TTN: variants seen among roughly 807,000 people sequenced by gnomAD.
TTN encodes titin.
Under a neutral mutation model 3,223.0 loss-of-function variants are expected in TTN, and 1,525 were observed. The ratio of observed to expected loss-of-function variants is 0.47; its 90% confidence interval spans 0.45 to 0.49. TTN has a LOEUF of 0.49. Ranked by LOEUF, TTN falls within the 20% of genes least tolerant of loss-of-function variation. TTN has a pLI of 0.00. For missense variants in TTN, 40,786 were observed against 43,424.0 expected (o/e 0.94, Z 5.40); for synonymous variants, 14,094 against 15,161.0 (o/e 0.93, Z 5.17).
Position 178,581,769 on chromosome 2 carries a change from C to T in TTN, c.66499G>A (p.Asp22167Asn). The change falls in exon 316 of 363, where the codon GAT becomes AAT. Residue 22167 changes from aspartate to asparagine, a missense_variant. By Grantham distance (23) the Asp-to-Asn change is conservative. Coordinates refer to ENST00000589042, the MANE Select transcript of TTN (RefSeq NM_001267550.2). ...AGACTCACAGAGCTGCGAGTTGTAT[C>T]ATATACTTTAGGGAAAGCCGGTGGG... ...PGPPAFPKVYDTTRSSVSLSW... is the reference protein window; with the variant it reads ...PGPPAFPKVYNTTRSSVSLSW... 2 of 1,603,142 alleles carry T rather than the reference C, an allele frequency of 1.2e-6. No individual in the cohort carries two copies. The highest frequency in any genetic ancestry group is 8.5e-7 in the Non-Finnish European group (1 of 1,174,286).
Position 178,587,750 on chromosome 2 carries a change from T to C in TTN, c.63559A>G (p.Arg21187Gly), listed in dbSNP as rs368288863. Residue 21187 changes from arginine (R) to glycine (G), a missense_variant, in exon 306 of 363, where the codon AGA (arginine) becomes GGA (glycine). Transcript: ENST00000589042. ...AAGAGACGAATAGGGCATCCTGCTCTCACTATGACCAGTTTCCTCATGCTG... is the reference window on the plus strand; with the variant it reads ...AAGAGACGAATAGGGCATCCTGCTCCCACTATGACCAGTTTCCTCATGCTG... ...DASMRKLVIV[R>G]AGCPIRLFAI... 4 of 1,611,908 alleles carry C rather than the reference T, an allele frequency of 2.5e-6. No homozygotes were observed. Among genetic ancestry groups the C allele is most frequent in the Non-Finnish European group, 3.4e-6 (4 of 1,178,876 alleles).
rs1334525732 is a variant in TTN at position 178,649,604 on chromosome 2, G to A, written c.39923C>T (p.Pro13308Leu). The change falls in exon 212 of 363, where the codon CCA (proline) becomes CTA (leucine). Residue 13308 changes from proline to leucine, a missense_variant. By Grantham distance (98) the Pro-to-Leu change is moderately conservative. Transcript: ENST00000589042. ...KEPEMPKKVVPVKKVPTVKKP... is the reference protein window; with the variant it reads ...KEPEMPKKVVLVKKVPTVKKP... ...CTTAACAGTTGGGACCTTCTTCACT[G>A]GAACAACTTTCTTTGGCATCTCAGG... 6.5e-7 allele frequency: 1 copy of A among 1,550,150 alleles called. No homozygotes were observed. The highest frequency in any genetic ancestry group is 8.7e-7 in the Non-Finnish European group (1 of 1,146,588).
intron 112 of TTN, among the ~76,000 whole-genome samples, 186 bp downstream of exon 112, chr2:178,698,656 GA>G (rs2074163503): frequency 6.6e-6 from 1 of 152,026 alleles, no homozygotes; most frequent in Non-Finnish European, 1.5e-5. Context: ...ACAGGAAAGA[GA>G]AAAGGGGGAA....
At chr2:178,688,642 C>T in intron 126 of TTN, 35 bp downstream of exon 126, 2 of 1,430,486 alleles carry the variant, frequency 1.4e-6, no homozygotes. Flanking sequence ...GAAACACACA[C>T]AAACTCATTT....
Position 178,539,200 on chromosome 2 carries a change from C to T in TTN, c.98735G>A (p.Ser32912Asn). ...CCGGGACCAGGACAAGCTAACAGAA[C>T]TCTTGGTTACATCGAGTACTTCTGG... is the stretch of plus-strand genomic sequence containing the variant. Reference protein sequence around the residue: ...NPPEVLDVTKSSVSLSWSRPK... With the variant: ...NPPEVLDVTKNSVSLSWSRPK... The change falls in exon 353 of 363, where the codon AGT (serine) becomes AAT (asparagine). Residue 32912 changes from serine (S) to asparagine (N), a missense_variant. Physicochemically the swap from Ser to Asn is conservative, Grantham distance 46. Coordinates refer to ENST00000589042, the MANE Select transcript of TTN (RefSeq NM_001267550.2). 1 of 1,613,776 alleles carries T rather than the reference C, an allele frequency of 6.2e-7. No individual in the cohort carries two copies. The highest frequency in any genetic ancestry group is 8.5e-7 in the Non-Finnish European group (1 of 1,179,752).
At chr2:178,689,961 C>A (rs1261209949) in intron 121 of TTN, 65 bp from the exon 122 acceptor site, 63 of 1,362,312 alleles carry the variant, frequency 4.6e-5, no homozygotes, top group Non-Finnish European at 6.3e-5. Context: ...AACATAGGCA[C>A]ATGCACAAAT....
rs201091423 is a variant in TTN at position 178,599,730 on chromosome 2, T to G, written c.56171A>C (p.Lys18724Thr). The change falls in exon 289 of 363, where the codon AAG (lysine) becomes ACG (threonine). Residue 18724 changes from lysine to threonine, a missense_variant. Coordinates refer to ENST00000589042, the MANE Select transcript of TTN (RefSeq NM_001267550.2). Reference protein sequence around the residue: ...PTLTWFKAPPKKPDNKEPVLY... With the variant: ...PTLTWFKAPPTKPDNKEPVLY... ...AACAGGTTCTTTGTTATCAGGCTTCTTTGGAGGAGCTTTAAACCAGGTTAG... is the reference window on the plus strand; with the variant it reads ...AACAGGTTCTTTGTTATCAGGCTTCGTTGGAGGAGCTTTAAACCAGGTTAG... 1.8e-5 allele frequency: 29 copies of G among 1,612,864 alleles called. No individual in the cohort carries two copies. The highest frequency in any genetic ancestry group is 2.7e-5 in the African/African-American group (2 of 74,868).
intron 47 of TTN, chr2:178,750,015 G>A: frequency 6.2e-7 from 1 of 1,613,216 alleles, no homozygotes; most frequent in Non-Finnish European, 8.5e-7. Flanking sequence ...TTAGGTTCCA[G>A]CTCCTCAGTT....
Position 178,562,753 on chromosome 2 carries a change from A to G in TTN, c.83379T>C (p.Asp27793=). 1 of 1,612,718 alleles carries G rather than the reference A, an allele frequency of 6.2e-7. No individual in the cohort carries two copies. The highest frequency in any genetic ancestry group is 8.5e-7 in the Non-Finnish European group (1 of 1,179,246). The part of the protein sequence containing the change: ...VTLSWEPPLI[D]GGAKITNYIV... Reference sequence around the variant, plus strand: ...TGTAGTTTGTAATCTTAGCTCCACCATCAATAAGTGGTGGTTCCCAGGACA... The same window carrying G: ...TGTAGTTTGTAATCTTAGCTCCACCGTCAATAAGTGGTGGTTCCCAGGACA... The change falls in exon 326 of 363, where the codon GAT becomes GAC. Residue 27793 remains aspartate (D), a synonymous_variant. Coordinates refer to ENST00000589042, the MANE Select transcript of TTN (RefSeq NM_001267550.2).
Position 178,728,962 on chromosome 2 carries a change from C to G in TTN, c.19076G>C (p.Ser6359Thr). Residue 6359 changes from serine (S) to threonine (T), a missense_variant, in exon 65 of 363, where the codon AGT (serine) becomes ACT (threonine). Transcript: ENST00000589042. ...LQIRSVDNGH[S>T]GRYTCQAKNE... ...CTTGGCTTGACAGGTATATCTCCCA[C>G]TGTGTCCATTATCCACACTTCTGAT... The G allele has an allele frequency of 6.2e-7, 1 of 1,613,056 alleles. No individual in the cohort carries two copies. Among genetic ancestry groups the G allele is most frequent in the Non-Finnish European group, 8.5e-7 (1 of 1,179,522 alleles).
rs373806358 is a variant in TTN, at chr2:178,561,951, G to A, written c.84181C>T (p.Pro28061Ser). ...IVLDRPGPPG[P>S]IRIDEVSCDS... ...CAACTAACCTCATCAATACGTATAG[G>A]ACCTGGAGGTCCTGGTCTGTCAAGG... The change falls in exon 326 of 363, where the codon CCT becomes TCT. Residue 28061 changes from proline (P) to serine (S), a missense_variant. Pro to Ser is a moderately conservative substitution (Grantham distance 74, BLOSUM62 -1). Transcript: ENST00000589042. The A allele has an allele frequency of 1.2e-6, 2 of 1,613,196 alleles. No homozygotes were observed. Among genetic ancestry groups the A allele is most frequent in the East Asian group, 2.2e-5 (1 of 44,738 alleles).
In TTN at chr2:178,590,849, C is replaced by G. The variant is rs397517647; in HGVS notation, c.60876G>C (p.Trp20292Cys). 1 of 1,609,910 alleles carries G rather than the reference C, an allele frequency of 6.2e-7. No homozygotes were observed. The highest frequency in any genetic ancestry group is 8.5e-7 in the Non-Finnish European group (1 of 1,176,832). ...DITENAATVS[W>C]TLPKSDGGSP... ...TGCCACCATCAGATTTTGGCAGGGT[C>G]CAAGACACTGTTGCTGCATTTTCAG... The change falls in exon 304 of 363, where the codon TGG (tryptophan) becomes TGC (cysteine). Residue 20292 changes from tryptophan to cysteine, a missense_variant. By Grantham distance (215) the Trp-to-Cys change is radical (BLOSUM62 -2). Transcript: ENST00000589042.
chr2:178,678,167 G>A lies in TTN; in HGVS notation c.33952C>T (p.Pro11318Ser). 1.2e-6 allele frequency: 2 copies of A among 1,611,312 alleles called. No individual in the cohort carries two copies. Among genetic ancestry groups the A allele is most frequent in the Non-Finnish European group, 1.7e-6 (2 of 1,178,942 alleles). The change falls in exon 145 of 363, where the codon CCA (proline) becomes TCA (serine). Residue 11318 changes from proline (P) to serine (S), a missense_variant. Transcript: ENST00000589042. ...TCCACTTTTTTCGGAACAGGTGTTG[G>A]TTTCTTTTCTTCTGGGATGAGCTTC... Reference protein sequence around the residue: ...PKKLIPEEKKPTPVPKKVEAP... With the variant: ...PKKLIPEEKKSTPVPKKVEAP...
chr2:178,722,034 C>G lies in TTN; in HGVS notation c.22629G>C (p.Pro7543=). Residue 7543 remains proline, a synonymous_variant, in exon 78 of 363, where the codon CCG becomes CCC. Coordinates refer to ENST00000589042, the MANE Select transcript of TTN (RefSeq NM_001267550.2). Reference sequence around the variant, plus strand: ...TATCTTTTGACCAAGTGATTCGCATCGGTTGAGCACCAGTAACATGACACT... The same window carrying G: ...TATCTTTTGACCAAGTGATTCGCATGGGTTGAGCACCAGTAACATGACACT... ...DFECHVTGAQ[P]MRITWSKDNK... 6.2e-7 allele frequency: 1 copy of G among 1,613,358 alleles called. No individual in the cohort carries two copies. The highest frequency in any genetic ancestry group is 8.5e-7 in the Non-Finnish European group (1 of 1,179,510).
At position 178,770,678 on chromosome 2, in the gene TTN, A is replaced by G. The variant is rs2091329912; in HGVS notation, c.8117-3T>C. 6.2e-7 allele frequency: 1 copy of G among 1,610,164 alleles called. No individual in the cohort carries two copies. Among genetic ancestry groups the G allele is most frequent in the Non-Finnish European group, 8.5e-7 (1 of 1,179,926 alleles). On this transcript the variant is annotated splice_polypyrimidine_tract_variant and splice_region_variant and intron_variant, in intron 34 of 362. Transcript: ENST00000589042. ...CAGAGTCTTCTTAATTTTGACAGCT[A>G]AAGACAAATTTATGATTGGGTTAGA...
chr2:178,675,939 C>T lies in TTN; in HGVS notation c.34435G>A (p.Glu11479Lys), dbSNP rs1298237270. 6.2e-7 allele frequency: 1 copy of T among 1,608,100 alleles called. No individual in the cohort carries two copies. The highest frequency in any genetic ancestry group is 8.5e-7 in the Non-Finnish European group (1 of 1,176,826). Residue 11479 changes from glutamate (E) to lysine (K), a missense_variant, in exon 148 of 363, where the codon GAG becomes AAG. Physicochemically the swap from Glu to Lys is moderately conservative, Grantham distance 56. Coordinates refer to ENST00000589042, the MANE Select transcript of TTN (RefSeq NM_001267550.2). ...GCAATACCTTTGGCAGGGGGAGCCT[C>T]CTCTTTCTTGGGAATGACCACTTTC... ...EKKVVIPKKE[E>K]APPAKVSVVP...
rs527704660 is a variant in TTN at position 178,590,436 on chromosome 2, C to T, written c.61289G>A (p.Cys20430Tyr). 86 of 1,612,586 alleles carry T rather than the reference C, an allele frequency of 5.3e-5. No homozygotes were observed. In the East Asian group the frequency reaches 6.3e-4, roughly 12 times the overall value. Reference protein sequence around the residue: ...RINKDELIRQCAFRVPGLIEG... With the variant: ...RINKDELIRQYAFRVPGLIEG... ...AATTAGTCCAGGTACCCTAAAGGCACATTGCCTAATGAGTTCATCTTTATT... is the reference window on the plus strand; with the variant it reads ...AATTAGTCCAGGTACCCTAAAGGCATATTGCCTAATGAGTTCATCTTTATT... The change falls in exon 304 of 363, where the codon TGT becomes TAT. Residue 20430 changes from cysteine to tyrosine, a missense_variant. Transcript: ENST00000589042.
chr2:178,532,402 T>G lies in TTN; in HGVS notation c.104213A>C (p.Glu34738Ala), dbSNP rs372916018. 24 of 1,613,884 alleles carry G rather than the reference T, an allele frequency of 1.5e-5. No homozygotes were observed. The highest frequency in any genetic ancestry group is 1.9e-5 in the Non-Finnish European group (22 of 1,179,880). Reference protein sequence around the residue: ...YSTYHIPTKAEASTSYAELRE... With the variant: ...YSTYHIPTKAAASTSYAELRE... ...CAGTTCTGCATAACTTGTACTAGCT[T>G]CAGCCTTCGTTGGGATGTGATAGGT... The change falls in exon 358 of 363, where the codon GAA becomes GCA. Residue 34738 changes from glutamate to alanine, a missense_variant. Coordinates refer to ENST00000589042, the MANE Select transcript of TTN (RefSeq NM_001267550.2).
intron 9 of TTN, 125 bp downstream of exon 9, chr2:178,793,279 G>T: frequency 7.2e-7 from 1 of 1,391,106 alleles, no homozygotes. Flanking sequence ...CATACAACAA[G>T]GGGATCTTAT....
Sources: gnomAD v4.1 joint callset for allele counts (sites outside exome capture counted in the v4.1 genomes callset) on GRCh38, gnomAD v4.1.1 for gene constraint, MANE v1.5 for transcripts, NCBI Gene and HGNC (gene_info 2026-07-23, HGNC 2026-07-21) for gene names.